RAB40B: variants seen among roughly 807,000 people sequenced by gnomAD.
RAB40B encodes RAB40B, member RAS oncogene family.
Under a neutral mutation model 24.0 loss-of-function variants are expected in RAB40B, and 21 were observed. The observed-to-expected ratio is 0.88, with a 90% CI of 0.62 to 1.26. RAB40B has a LOEUF of 1.26. RAB40B is among the 50% of genes most tolerant of loss of function. The probability of loss-of-function intolerance (pLI) is 0.00; values close to 1 mark genes in which losing one functional copy is unlikely to be tolerated. For missense variants in RAB40B, 348 were observed against 390.5 expected, an observed-to-expected ratio of 0.89 and a Z score of 0.92; for synonymous variants, 167 against 169.8, an observed-to-expected ratio of 0.98 and a Z score of 0.13.
At chr17:82,691,304 T>TGAG (rs1251997448) in intron 1 of RAB40B, among the ~76,000 whole-genome samples, 5 of 152,076 alleles carry the variant, frequency 3.3e-5, no homozygotes, top group African/African-American at 1.2e-4. Flanking sequence ...GAGAAGACAA[T>TGAG]GAGGCCCTCA....
At chr17:82,677,692 A>C (rs2046408528) in intron 1 of RAB40B, among the ~76,000 whole-genome samples, 1 of 152,174 alleles carries the variant, frequency 6.6e-6, no homozygotes, top group African/African-American at 2.4e-5. Context: ...TGGGGTTTCC[A>C]GGCACAGGTG....
At chr17:82,669,739 G>T (rs2046308906) in intron 1 of RAB40B, among the ~76,000 whole-genome samples, 1 of 152,128 alleles carries the variant, frequency 6.6e-6, no homozygotes, top group South Asian at 2.1e-4. Context: ...GGAGCTTCAG[G>T]CCCTGTGAAA....
intron 1 of RAB40B, among the ~76,000 whole-genome samples, chr17:82,673,324 G>C (rs1406446975): frequency 6.6e-6 from 1 of 152,140 alleles, no homozygotes; most frequent in Non-Finnish European, 1.5e-5. Context: ...TCTGCTCTCG[G>C]TACCTGCAAA....
Position 82,697,362 on chromosome 17 carries a change from G to A in RAB40B, c.142+1093C>T, listed in dbSNP as rs937796995. On this transcript the variant is annotated intron_variant, in intron 1 of 5. Coordinates refer to ENST00000571995, the MANE Select transcript of RAB40B (RefSeq NM_006822.3). The surrounding 1 kb of genome is among the most constrained non-coding windows in gnomAD (Gnocchi z 4.9). ...ATCCCGCTTCCTCCCACCCTCTCCCGCTAAGTTCGTCTCTGGCAGGACCCT... is the reference window on the plus strand; with the variant it reads ...ATCCCGCTTCCTCCCACCCTCTCCCACTAAGTTCGTCTCTGGCAGGACCCT... Among the ~76,000 whole-genome samples the A allele has an allele frequency of 6.6e-6, 1 of 152,056 alleles. No homozygotes were observed. Among genetic ancestry groups the A allele is most frequent in the Admixed American group, 6.6e-5 (1 of 15,256 alleles).
chr17:82,689,736 A>G (rs1031735580), intron 1 of RAB40B, among the ~76,000 whole-genome samples: 1 of 152,176 alleles, frequency 6.6e-6, no homozygotes, highest in Non-Finnish European at 1.5e-5. Context: ...TCGGAGGCCA[A>G]GGCGGGTGGA....
rs193116856 is a variant in RAB40B, at chr17:82,664,163, C to A, written c.203+333G>T. 2.9e-5 allele frequency among the ~76,000 whole-genome samples: 3 copies of A among 102,950 alleles called. No homozygotes were observed. The East Asian group carries it at 8.9e-4, about 30-fold the overall frequency. The allele number at this position is 102,950 out of a possible 152,430, so 67.5% of individuals were successfully genotyped here. On this transcript the variant is annotated intron_variant, in intron 2 of 5. Coordinates refer to ENST00000571995, the MANE Select transcript of RAB40B (RefSeq NM_006822.3). Reference sequence around the variant, plus strand: ...CCGATGGTGGTGGTGGGAGGGTGTTCCCCGGGGGCGCTGTGCCGACGGTGG... The same window carrying A: ...CCGATGGTGGTGGTGGGAGGGTGTTACCCGGGGGCGCTGTGCCGACGGTGG...
At chr17:82,665,021 C>G (rs1242473817) in intron 1 of RAB40B, 1 of 169,030 alleles carries the variant, frequency 5.9e-6, no homozygotes, top group Admixed American at 5.6e-5. Context: ...CTGCGTCCCC[C>G]AGTATCACAC....
At chr17:82,698,284 C>A (rs2046632749) in intron 1 of RAB40B, among the ~76,000 whole-genome samples, 171 bp downstream of exon 1, 1 of 151,804 alleles carries the variant, frequency 6.6e-6, no homozygotes, top group Non-Finnish European at 1.5e-5. Context: ...CTCAGCCCCG[C>A]GCCCCCGGAC....
At chr17:82,682,024 AT>A (rs1478812773) in intron 1 of RAB40B, among the ~76,000 whole-genome samples, 1 of 152,160 alleles carries the variant, frequency 6.6e-6, no homozygotes, top group Non-Finnish European at 1.5e-5. Context: ...TTTGGAAGTT[AT>A]AACCAGGGCA....
chr17:82,665,724 G>A (rs1270823933), intron 1 of RAB40B, among the ~76,000 whole-genome samples: 4 of 151,888 alleles, frequency 2.6e-5, no homozygotes, highest in African/African-American at 4.8e-5. Context: ...AAAATTAGCC[G>A]GGTGTGGTGG....
intron 4 of RAB40B, 70 bp from the exon 5 acceptor site, chr17:82,658,783 T>C: frequency 7.0e-7 from 1 of 1,423,452 alleles, no homozygotes; most frequent in Non-Finnish European, 9.5e-7. Flanking sequence ...GTAATGTGGG[T>C]GCTCTGGGTC....
chr17:82,698,658 C>A lies in RAB40B; in HGVS notation c.-62G>T. On this transcript the variant is annotated 5_prime_UTR_variant, in exon 1 of 6. Transcript: ENST00000571995. The stretch of plus-strand genomic sequence containing the variant: ...CGGGGCTGAGCGCAGAGGCGGCGGC[C>A]CGGCCCCGAGAGGCGCCGCGCGGGC... 1 of 1,178,344 alleles carries A rather than the reference C, an allele frequency of 8.5e-7. No individual in the cohort carries two copies. Among genetic ancestry groups the A allele is most frequent in the Non-Finnish European group, 1.1e-6 (1 of 946,856 alleles). The allele number at this position is 1,178,344 out of a possible 1,614,324, so 73.0% of individuals were successfully genotyped here.
intron 1 of RAB40B, among the ~76,000 whole-genome samples, chr17:82,673,964 T>G (rs1216100579): frequency 6.6e-6 from 1 of 152,232 alleles, no homozygotes; most frequent in Non-Finnish European, 1.5e-5. Flanking sequence ...TCATTTTAAC[T>G]TTTATCCCTT....
At chr17:82,659,021 G>T in intron 4 of RAB40B, 1 of 349,580 alleles carries the variant, frequency 2.9e-6, no homozygotes. Context: ...GAGGGCCCAG[G>T]GTTGCTGGCA....
rs753016754 is a variant in RAB40B at position 82,659,603 on chromosome 17, G to T, written c.319C>A (p.Arg107=). 6 of 1,613,962 alleles carry T rather than the reference G, an allele frequency of 3.7e-6. No individual in the cohort carries two copies. The South Asian group carries it at 4.4e-5, about 12-fold the overall frequency. Residue 107 remains arginine (R), a synonymous_variant, in exon 4 of 6, where the codon CGA becomes AGA. Coordinates refer to ENST00000571995, the MANE Select transcript of RAB40B (RefSeq NM_006822.3). ...ANRWSFDGID[R]WIKEIDEHAP... Reference sequence around the variant, plus strand: ...ACCTCATCGATCTCCTTAATCCATCGATCAATGCCGTCAAAAGACCAGCGG... The same window carrying T: ...ACCTCATCGATCTCCTTAATCCATCTATCAATGCCGTCAAAAGACCAGCGG...
chr17:82,679,169 C>G (rs896249917), intron 1 of RAB40B, among the ~76,000 whole-genome samples: 7 of 151,558 alleles, frequency 4.6e-5, no homozygotes, highest in Non-Finnish European at 1.0e-4. Flanking sequence ...AGGCGTGAAC[C>G]ACTGAGCAGC....
In RAB40B at chr17:82,657,716, G is replaced by T; in HGVS notation, c.*147C>A. The T allele has an allele frequency of 1.0e-6, 1 of 979,904 alleles. No individual in the cohort carries two copies. Among genetic ancestry groups the T allele is most frequent in the Non-Finnish European group, 1.6e-6 (1 of 608,628 alleles). 60.7% of individuals were successfully genotyped at this position (979,904 alleles called of 1,614,324 possible). On this transcript the variant is annotated 3_prime_UTR_variant, in exon 6 of 6. Coordinates refer to ENST00000571995, the MANE Select transcript of RAB40B (RefSeq NM_006822.3). ...GAAATTCGAAGTCCGACGGGGTAGT[G>T]TGTTTCCATCACACGGAAGGCGTCG...
chr17:82,688,702 G>C (rs893377676), intron 1 of RAB40B, among the ~76,000 whole-genome samples: 5 of 152,226 alleles, frequency 3.3e-5, no homozygotes, highest in Admixed American at 2.6e-4. Flanking sequence ...GGGAGGCTGA[G>C]GCAGGTGGAT....
chr17:82,662,767 T>TG lies in RAB40B; in HGVS notation c.204-1721dup, dbSNP rs1209633984. The TG allele has an allele frequency of 1.0e-5, 10 of 984,972 alleles. No homozygotes were observed. The African/African-American group carries it at 1.8e-4, about 17-fold the overall frequency. The allele number at this position is 984,972 out of a possible 1,614,324, so 61.0% of individuals were successfully genotyped here. On this transcript the variant is annotated intron_variant, in intron 2 of 5. Coordinates refer to ENST00000571995, the MANE Select transcript of RAB40B (RefSeq NM_006822.3). ...TCCTGAGGTGAGAGGGAGAAAAGTG[T>TG]GAGGGTGACTGTTCGGCCCACTGGG...
Sources: gnomAD v4.1 joint callset for allele counts (sites outside exome capture counted in the v4.1 genomes callset) on GRCh38, gnomAD v4.1.1 for gene constraint, Gnocchi (gnomAD v3.1) non-coding constraint, MANE v1.5 for transcripts, NCBI Gene and HGNC (gene_info 2026-07-23, HGNC 2026-07-21) for gene names.